ST8SIA1: variants seen among roughly 807,000 people sequenced by gnomAD.
ST8SIA1 encodes ST8 alpha-N-acetyl-neuraminide alpha-2,8-sialyltransferase 1, also known as alpha-N-acetylneuraminide alpha-2,8-sialyltransferase.
In ST8SIA1, 16 loss-of-function variants were observed where a neutral mutation model predicts 35.9. That is an observed-to-expected ratio of 0.45 (90% CI 0.30 to 0.68). ST8SIA1 has a LOEUF of 0.68. Ranked by LOEUF, ST8SIA1 falls within the 30% of genes least tolerant of loss-of-function variation. ST8SIA1 has a pLI of 0.09. For synonymous variants in ST8SIA1, 170 were observed against 169.6 expected (o/e 1.00, Z -0.02); for missense variants, 383 against 453.6 (o/e 0.84, Z 1.41).
At chr12:22,303,608 G>A (rs956778603) in intron 1 of ST8SIA1, among the ~76,000 whole-genome samples, 7 of 152,094 alleles carry the variant, frequency 4.6e-5, no homozygotes, top group African/African-American at 1.7e-4. Flanking sequence ...AGTTGTATAA[G>A]TTGTTTTGCT....
At chr12:22,216,518 T>C (rs939667080) in intron 4 of ST8SIA1, among the ~76,000 whole-genome samples, 10 of 152,192 alleles carry the variant, frequency 6.6e-5, no homozygotes, top group Admixed American at 3.3e-4. Context: ...ACTCAACTCA[T>C]GGTATCTACT....
chr12:22,239,345 C>T (rs562141587), intron 4 of ST8SIA1, among the ~76,000 whole-genome samples: 5 of 152,244 alleles, frequency 3.3e-5, no homozygotes, highest in African/African-American at 1.2e-4. Flanking sequence ...CTCATTCTAT[C>T]GTCCATGTTT....
At chr12:22,213,539 G>A (rs1865198580) in intron 4 of ST8SIA1, among the ~76,000 whole-genome samples, 1 of 152,170 alleles carries the variant, frequency 6.6e-6, no homozygotes, top group Non-Finnish European at 1.5e-5. Flanking sequence ...AAGTAGCTAT[G>A]CAAACGGAGT....
At chr12:22,227,446 C>T (rs1014539569) in intron 4 of ST8SIA1, among the ~76,000 whole-genome samples, 62 of 151,890 alleles carry the variant, frequency 4.1e-4, no homozygotes, top group African/African-American at 1.3e-3. Flanking sequence ...TGGTGGTGGG[C>T]GCCTGTAATC....
At chr12:22,211,796 C>T (rs953144421) in intron 4 of ST8SIA1, among the ~76,000 whole-genome samples, 29 of 152,152 alleles carry the variant, frequency 1.9e-4, no homozygotes, top group African/African-American at 7.0e-4. Flanking sequence ...ACTGCAACCT[C>T]CACCTCCTGG....
chr12:22,203,882 A>G (rs1486903946), intron 4 of ST8SIA1, among the ~76,000 whole-genome samples: 5 of 152,300 alleles, frequency 3.3e-5, no homozygotes, highest in Admixed American at 6.5e-5. Context: ...AGAATAACCC[A>G]GAGAGTTCAC....
At chr12:22,232,640 T>C (rs753843412) in intron 4 of ST8SIA1, among the ~76,000 whole-genome samples, 1 of 152,096 alleles carries the variant, frequency 6.6e-6, no homozygotes, top group Non-Finnish European at 1.5e-5. Flanking sequence ...GATATACATA[T>C]AGTATTTAAG....
intron 4 of ST8SIA1, 39 bp from the exon 5 acceptor site, chr12:22,202,077 G>GA: frequency 6.6e-7 from 1 of 1,521,844 alleles, no homozygotes; most frequent in South Asian, 1.3e-5. Context: ...TAAACCTAGA[G>GA]AAAAAGAAAC....
At chr12:22,331,275 G>A (rs1446412649) in intron 1 of ST8SIA1, among the ~76,000 whole-genome samples, 1 of 152,160 alleles carries the variant, frequency 6.6e-6, no homozygotes, top group Non-Finnish European at 1.5e-5. Context: ...CTACTAGGAG[G>A]AAAGCTCTTA....
intron 1 of ST8SIA1, among the ~76,000 whole-genome samples, chr12:22,319,168 G>A (rs1866553153): frequency 6.6e-6 from 1 of 152,172 alleles, no homozygotes; most frequent in Admixed American, 6.5e-5. Flanking sequence ...TAAATGATAA[G>A]ACTGTGTAGA....
chr12:22,302,596 C>T (rs1591849809), intron 1 of ST8SIA1, among the ~76,000 whole-genome samples: 2 of 152,188 alleles, frequency 1.3e-5, no homozygotes, highest in Admixed American at 1.3e-4. Flanking sequence ...TCAGATAAAA[C>T]CTGAGACCAA....
intron 1 of ST8SIA1, among the ~76,000 whole-genome samples, chr12:22,321,010 G>T (rs1565596049): frequency 2.1e-4 from 20 of 95,396 alleles, no homozygotes; most frequent in African/African-American, 8.4e-4. Context: ...AAAGAAGAAA[G>T]AAAGAAAGAA....
chr12:22,310,853 C>A (rs2135832519), intron 1 of ST8SIA1, among the ~76,000 whole-genome samples: 1 of 152,162 alleles, frequency 6.6e-6, no homozygotes, highest in Admixed American at 6.5e-5. Context: ...ACAAGCTGAA[C>A]AGAAGAGCTG....
chr12:22,302,434 T>C (rs1359530304), intron 1 of ST8SIA1, among the ~76,000 whole-genome samples: 4 of 152,162 alleles, frequency 2.6e-5, no homozygotes, highest in African/African-American at 4.8e-5. Flanking sequence ...CCTATACCAA[T>C]TTTCCAGGAT....
At position 22,285,582 on chromosome 12, in the gene ST8SIA1, T is replaced by C. The variant is rs1396558225; in HGVS notation, c.381+1567A>G. On this transcript the variant is annotated intron_variant, in intron 2 of 4. Coordinates refer to ENST00000396037, the MANE Select transcript of ST8SIA1 (RefSeq NM_003034.4). ...TTGTATTTATAAAGTACATTTATTA[T>C]GTTTTACAGTCGGGCGCGGTGGCTC... Among the ~76,000 whole-genome samples, 3 of 152,188 alleles carry C rather than the reference T, an allele frequency of 2.0e-5. No homozygotes were observed. In the East Asian group the frequency reaches 5.8e-4, roughly 29 times the overall value.
intron 4 of ST8SIA1, among the ~76,000 whole-genome samples, chr12:22,215,265 A>C (rs1261550501): frequency 1.3e-5 from 2 of 152,122 alleles, no homozygotes; most frequent in Non-Finnish European, 2.9e-5. Context: ...TGTGTCACCC[A>C]TACTCTCTGG....
chr12:22,302,449 CTT>C (rs1208788196), intron 1 of ST8SIA1, among the ~76,000 whole-genome samples: 1 of 152,098 alleles, frequency 6.6e-6, no homozygotes. Context: ...CAGGATTGTT[CTT>C]TTGTTATTGT....
intron 4 of ST8SIA1, among the ~76,000 whole-genome samples, chr12:22,234,602 C>A (rs921629311): frequency 1.3e-5 from 2 of 152,194 alleles, no homozygotes; most frequent in Non-Finnish European, 2.9e-5. Context: ...ACATCCCAGG[C>A]TTTGTTTCCA....
At chr12:22,297,947 C>A (rs1178195346) in intron 1 of ST8SIA1, among the ~76,000 whole-genome samples, 1 of 152,118 alleles carries the variant, frequency 6.6e-6, no homozygotes, top group Non-Finnish European at 1.5e-5. Flanking sequence ...ATTCCCCAAA[C>A]TGTGGGGAGG....
Sources: allele counts gnomAD v4.1 joint callset (sites outside exome capture counted in the v4.1 genomes callset), GRCh38; gene constraint gnomAD v4.1.1; transcripts MANE v1.5; gene names NCBI Gene and HGNC (gene_info 2026-07-23, HGNC 2026-07-21).